Variants in TGFBR1 observed in about 807,000 individuals in gnomAD.
TGFBR1 encodes the protein TGF-beta receptor type-1.
TGFBR1 carries 20 observed loss-of-function variants against 55.1 expected under a neutral mutation model. The observed-to-expected ratio is 0.36, with a 90% confidence interval of 0.26 to 0.53. The LOEUF is 0.53. Among genes scored for constraint, TGFBR1 ranks in the 20% least tolerant of loss-of-function variants. TGFBR1 has a pLI of 0.91. For synonymous variants in TGFBR1, 220 were observed against 214.8 expected (o/e 1.02, Z -0.21); for missense variants, 385 against 617.6 (o/e 0.62, Z 3.99).
chr9:99,125,463 G>A (rs1372187188), intron 1 of TGFBR1, among the ~76,000 whole-genome samples: 1 of 152,188 alleles, frequency 6.6e-6, no homozygotes, highest in African/African-American at 2.4e-5. Context: ...TTTGCAAATT[G>A]TACTACACAT....
chr9:99,109,601 C>A (rs1826506047), intron 1 of TGFBR1, among the ~76,000 whole-genome samples: 1 of 152,158 alleles, frequency 6.6e-6, no homozygotes, highest in African/African-American at 2.4e-5. Flanking sequence ...ATGCCATTAT[C>A]CTATGGATGG....
intron 1 of TGFBR1, among the ~76,000 whole-genome samples, chr9:99,125,674 G>T (rs541830966): frequency 1.3e-5 from 2 of 152,288 alleles, no homozygotes; most frequent in East Asian, 1.9e-4. Context: ...GCCTGAAGGG[G>T]ATCTTCACAC....
intron 1 of TGFBR1, chr9:99,127,829 A>G (rs1827083192): frequency 4.8e-6 from 2 of 417,152 alleles, no homozygotes; most frequent in African/African-American, 2.1e-5. Context: ...TCATGTGACC[A>G]TGGTGAAATT....
chr9:99,116,163 T>G (rs1826729850), intron 1 of TGFBR1, among the ~76,000 whole-genome samples: 1 of 147,506 alleles, frequency 6.8e-6, no homozygotes, highest in African/African-American at 2.6e-5. Context: ...AATTGTTTCT[T>G]CACTTTATTC....
At chr9:99,144,914 A>G in intron 6 of TGFBR1, 26 bp downstream of exon 6, 1 of 1,611,692 alleles carries the variant, frequency 6.2e-7, no homozygotes, top group South Asian at 1.1e-5. Flanking sequence ...ACTATATTTA[A>G]TATCTTCTGA....
intron 5 of TGFBR1, among the ~76,000 whole-genome samples, chr9:99,143,492 A>G (rs1000447764): frequency 6.6e-6 from 1 of 152,226 alleles, no homozygotes. Context: ...GTTTTTGTGC[A>G]TGTGGGATTT....
intron 1 of TGFBR1, among the ~76,000 whole-genome samples, chr9:99,110,960 G>C (rs1472332220): frequency 6.6e-6 from 1 of 152,180 alleles, no homozygotes; most frequent in Admixed American, 6.5e-5. Flanking sequence ...TACATTGTTA[G>C]AGCCACTTCA....
At chr9:99,113,200 C>T (rs1474147595) in intron 1 of TGFBR1, among the ~76,000 whole-genome samples, 2 of 152,272 alleles carry the variant, frequency 1.3e-5, no homozygotes, top group South Asian at 2.1e-4. Context: ...TGCAGTAATG[C>T]GTTTGATCTT....
At position 99,137,911 on chromosome 9, in the gene TGFBR1, A is replaced by C; in HGVS notation, c.627A>C (p.Glu209Asp). 1 of 1,614,094 alleles carries C rather than the reference A, an allele frequency of 6.2e-7. No individual in the cohort carries two copies. The highest frequency in any genetic ancestry group is 8.5e-7 in the Non-Finnish European group (1 of 1,179,968). Reference protein sequence around the residue: ...RTIARTIVLQESIGKGRFGEV... With the variant: ...RTIARTIVLQDSIGKGRFGEV... ...TTGCGAGAACTATTGTGTTACAAGA[A>C]AGCATTGGCAAAGGTCGATTTGGAG... Residue 209 changes from glutamate to aspartate, a missense_variant, in exon 4 of 9, where the codon GAA becomes GAC. By Grantham distance (45) the Glu-to-Asp change is conservative. This residue lies in a region of TGFBR1 where 85 missense variants were observed against 228.4 expected (regional missense o/e 0.37). Coordinates refer to ENST00000374994, the MANE Select transcript of TGFBR1 (RefSeq NM_004612.4).
At chr9:99,110,473 A>T (rs1480038663) in intron 1 of TGFBR1, among the ~76,000 whole-genome samples, 2 of 152,170 alleles carry the variant, frequency 1.3e-5, no homozygotes, top group Non-Finnish European at 2.9e-5. Context: ...CCAAACTCTT[A>T]AGCCCATTTG....
intron 6 of TGFBR1, 35 bp from the exon 7 acceptor site, chr9:99,146,450 T>A (rs1290449062): frequency 6.2e-7 from 1 of 1,613,392 alleles, no homozygotes; most frequent in Non-Finnish European, 8.5e-7. Context: ...AGTAAGGGGA[T>A]GATTTTCAAA....
chr9:99,132,471 C>T lies in TGFBR1; in HGVS notation c.344-38C>T, dbSNP rs369805589. ...GGGTTGCCACCTACAGTGTTTTTGT[C>T]GTTGTTGATGTTTATTTCACTCGAG... is the stretch of plus-strand genomic sequence containing the variant. On this transcript the variant is annotated intron_variant, in intron 2 of 8. Transcript: ENST00000374994. The T allele has an allele frequency of 1.7e-5, 27 of 1,611,412 alleles. No homozygotes were observed. The African/African-American group carries it at 2.3e-4, about 14-fold the overall frequency.
chr9:99,117,290 G>C (rs1466259569), intron 1 of TGFBR1, among the ~76,000 whole-genome samples: 2 of 151,262 alleles, frequency 1.3e-5, no homozygotes, highest in Non-Finnish European at 2.9e-5. Context: ...GTAGAGATGG[G>C]GTTTCACCGT....
intron 1 of TGFBR1, among the ~76,000 whole-genome samples, chr9:99,125,709 C>T (rs1054231197): frequency 6.6e-6 from 1 of 152,220 alleles, no homozygotes; most frequent in Admixed American, 6.5e-5. Flanking sequence ...CAGTGAAAGC[C>T]TAGTGCCAGT....
intron 5 of TGFBR1, among the ~76,000 whole-genome samples, chr9:99,143,573 T>C (rs1307746354): frequency 6.6e-6 from 1 of 152,236 alleles, no homozygotes; most frequent in Non-Finnish European, 1.5e-5. Flanking sequence ...ACTCCCCACT[T>C]TACATACAGC....
At position 99,129,051 on chromosome 9, in the gene TGFBR1, A is replaced by G. The variant is rs747332492; in HGVS notation, c.294A>G (p.Thr98=). 3.1e-6 allele frequency: 5 copies of G among 1,613,990 alleles called. No individual in the cohort carries two copies. The Admixed American group carries it at 8.3e-5, about 27-fold the overall frequency. The change falls in exon 2 of 9, where the codon ACA becomes ACG. Residue 98 remains threonine, a synonymous_variant. Transcript: ENST00000374994. ...CAAAAACTGGGTCTGTGACTACAAC[A>G]TATTGCTGCAATCAGGACCATTGCA... ...PSSKTGSVTT[T]YCCNQDHCNK...
At chr9:99,141,398 C>A (rs778427010) in intron 4 of TGFBR1, among the ~76,000 whole-genome samples, 23 of 152,164 alleles carry the variant, frequency 1.5e-4, no homozygotes, top group Non-Finnish European at 2.6e-4. Flanking sequence ...TCTTCTTCAA[C>A]CAAATACCTT....
At chr9:99,105,408 G>A in intron 1 of TGFBR1, 106 bp downstream of exon 1, 1 of 932,144 alleles carries the variant, frequency 1.1e-6, no homozygotes, top group Non-Finnish European at 1.3e-6. Flanking sequence ...CGGGGGCGCA[G>A]GTGGCGGCGC....
intron 1 of TGFBR1, 117 bp downstream of exon 1, chr9:99,105,419 C>A: frequency 1.1e-6 from 1 of 876,398 alleles, no homozygotes; most frequent in Non-Finnish European, 1.4e-6. Context: ...GTGGCGGCGC[C>A]GGGGCCCGGG....
Sources: allele counts gnomAD v4.1 joint callset (sites outside exome capture counted in the v4.1 genomes callset), GRCh38; gene constraint gnomAD v4.1.1; regional missense constraint gnomAD v4.1.1; transcripts MANE v1.5; gene names NCBI Gene and HGNC (gene_info 2026-07-23, HGNC 2026-07-21).